Variants in BIVM observed in about 807,000 individuals in gnomAD.
BIVM encodes the protein basic, immunoglobulin-like variable motif containing.
Under a neutral mutation model 61.4 loss-of-function variants are expected in BIVM, and 31 were observed. That is an observed-to-expected ratio of 0.51 (90% CI 0.38 to 0.68). The LOEUF (loss-of-function observed/expected upper bound fraction) is 0.68. Ranked by LOEUF, BIVM falls within the 30% of genes least tolerant of loss-of-function variation. BIVM has a pLI of 0.00. For missense variants in BIVM, 526 were observed against 596.0 expected (o/e 0.88, Z 1.22); for synonymous variants, 189 against 210.7 (o/e 0.90, Z 0.89).
At position 102,839,784 on chromosome 13, in the gene BIVM, G is replaced by A. The variant is rs763941824; in HGVS notation, c.1431G>A (p.Ser477=). 21 of 1,614,142 alleles carry A rather than the reference G, an allele frequency of 1.3e-5. No homozygotes were observed. Among genetic ancestry groups the A allele is most frequent in the African/African-American group, 4.0e-5 (3 of 75,020 alleles). The stretch of plus-strand genomic sequence containing the variant: ...TCAGTGCTAGTTTCCATCAGGACTC[G>A]GCATGGAAAAAGATGTCTAGTATCC... ...RSFSASFHQD[S]AWKKMSSIHE... Residue 477 remains serine, a synonymous_variant, in exon 11 of 11, where the codon TCG becomes TCA. Transcript: ENST00000257336.
intron 1 of BIVM, among the ~76,000 whole-genome samples, 193 bp downstream of exon 1, chr13:102,799,714 C>G (rs1214313643): frequency 5.9e-5 from 9 of 152,246 alleles, no homozygotes; most frequent in Non-Finnish European, 8.8e-5. Flanking sequence ...CTCCGAGCCC[C>G]GTGGCGTCCA....
intron 8 of BIVM, among the ~76,000 whole-genome samples, chr13:102,832,141 C>T (rs1881137671): frequency 6.6e-6 from 1 of 152,092 alleles, no homozygotes; most frequent in Non-Finnish European, 1.5e-5. Context: ...TTGAAAATAT[C>T]CATTTAGATA....
rs1881331931 is a variant in BIVM, at chr13:102,834,496, A to G, written c.1065A>G (p.Glu355=). Residue 355 remains glutamate (E), a synonymous_variant, in exon 9 of 11, where the codon GAA becomes GAG. Transcript: ENST00000257336. The stretch of plus-strand genomic sequence containing the variant: ...GACCTCTCTCACCACAGGAAGTTGA[A>G]TATTGGATCTTAATTGGAGAATCAA... ...SRGPLSPQEV[E]YWILIGESSR... is the part of the protein sequence containing the mutation. 1.3e-6 allele frequency: 2 copies of G among 1,598,318 alleles called. No individual in the cohort carries two copies. Among genetic ancestry groups the G allele is most frequent in the Admixed American group, 3.6e-5 (2 of 55,302 alleles).
chr13:102,800,474 C>A (rs984406225), intron 1 of BIVM: 3 of 152,298 alleles, frequency 2.0e-5, no homozygotes, highest in Non-Finnish European at 4.4e-5. Flanking sequence ...GGGTTGGCCA[C>A]GGGCAGGGAG....
chr13:102,832,938 C>T (rs978719728), intron 8 of BIVM, among the ~76,000 whole-genome samples: 17 of 151,838 alleles, frequency 1.1e-4, no homozygotes, highest in African/African-American at 4.1e-4. Context: ...GAGATAATAC[C>T]AGGATGGTTG....
In BIVM at chr13:102,839,554, A is replaced by G. The variant is rs1186017139; in HGVS notation, c.1219-18A>G. On this transcript the variant is annotated intron_variant, in intron 10 of 10. Coordinates refer to ENST00000257336, the MANE Select transcript of BIVM (RefSeq NM_017693.4). ...AATTTCCCTTTATTTTCTTCAGCCA[A>G]CATTTTTTTCTTCTCAGGTTGGGGG... 9.3e-6 allele frequency: 15 copies of G among 1,609,772 alleles called. No homozygotes were observed. The highest frequency in any genetic ancestry group is 1.3e-5 in the Non-Finnish European group (15 of 1,177,848).
Position 102,818,813 on chromosome 13 carries a change from GA to G in BIVM, c.606-2219del, listed in dbSNP as rs1410216349. Reference sequence around the variant, plus strand: ...CAAGTTTAGATTGATGAAAAAGTATGAAAAATCTTAAGAGAAATTCCCCTTT... The same window carrying G: ...CAAGTTTAGATTGATGAAAAAGTATGAAAATCTTAAGAGAAATTCCCCTTT... On this transcript the variant is annotated intron_variant, in intron 4 of 10. Coordinates refer to ENST00000257336, the MANE Select transcript of BIVM (RefSeq NM_017693.4). 3.3e-5 allele frequency among the ~76,000 whole-genome samples: 5 copies of G among 152,142 alleles called. No homozygotes were observed. The East Asian group carries it at 9.6e-4, about 29-fold the overall frequency.
At chr13:102,825,874 A>G (rs978208468) in intron 7 of BIVM, among the ~76,000 whole-genome samples, 2 of 152,136 alleles carry the variant, frequency 1.3e-5, no homozygotes, top group Non-Finnish European at 2.9e-5. Context: ...TTGTCACAGC[A>G]CCATGTGTGC....
Position 102,816,467 on chromosome 13 carries a change from A to G in BIVM, c.518A>G (p.Asp173Gly). Reference sequence around the variant, plus strand: ...CAAGTTTCCAAGAGAAAAACTTCAGATAAAAAGGGAAGATATCAGAAGGAA... The same window carrying G: ...CAAGTTTCCAAGAGAAAAACTTCAGGTAAAAAGGGAAGATATCAGAAGGAA... ...KKQVSKRKTS[D>G]KKGRYQKECP... is the part of the protein sequence containing the mutation. The change falls in exon 4 of 11, where the codon GAT becomes GGT. Residue 173 changes from aspartate (D) to glycine (G), a missense_variant. Coordinates refer to ENST00000257336, the MANE Select transcript of BIVM (RefSeq NM_017693.4). 6.3e-7 allele frequency: 1 copy of G among 1,589,982 alleles called. No individual in the cohort carries two copies. The highest frequency in any genetic ancestry group is 8.5e-7 in the Non-Finnish European group (1 of 1,171,584).
chr13:102,831,386 AAC>A (rs1344461431), intron 7 of BIVM, among the ~76,000 whole-genome samples, 177 bp from the exon 8 acceptor site: 1 of 152,210 alleles, frequency 6.6e-6, no homozygotes, highest in Non-Finnish European at 1.5e-5. Flanking sequence ...TAAAGAGTAA[AAC>A]AGAATACATT....
Position 102,839,586 on chromosome 13 carries a change from G to C in BIVM, c.1233G>C (p.Leu411Phe). 6.2e-7 allele frequency: 1 copy of C among 1,613,736 alleles called. No individual in the cohort carries two copies. The highest frequency in any genetic ancestry group is 8.5e-7 in the Non-Finnish European group (1 of 1,179,822). The change falls in exon 11 of 11, where the codon TTG becomes TTC. Residue 411 changes from leucine (L) to phenylalanine (F), a missense_variant. Around this residue, in one of 3 missense-constraint regions of BIVM, gnomAD observed 210 missense variants for 233.1 expected, o/e 0.90. Transcript: ENST00000257336. ...YRKTKKVGGN[L>F]HCIIAFQRLN... ...TTTCTTCTCAGGTTGGGGGAAATTTGCATTGCATCATAGCATTCCAGAGAC... is the reference window on the plus strand; with the variant it reads ...TTTCTTCTCAGGTTGGGGGAAATTTCCATTGCATCATAGCATTCCAGAGAC...
intron 3 of BIVM, among the ~76,000 whole-genome samples, chr13:102,813,786 C>A (rs1216133412): frequency 3.3e-5 from 5 of 152,122 alleles, no homozygotes; most frequent in Non-Finnish European, 1.5e-5. Context: ...ACAGCTCCAA[C>A]CATCTCAGTT....
intron 3 of BIVM, among the ~76,000 whole-genome samples, chr13:102,810,410 G>A (rs1232602849): frequency 1.3e-5 from 2 of 152,092 alleles, no homozygotes; most frequent in Admixed American, 6.6e-5. Context: ...GTGAACCCAC[G>A]TATACAAAAA....
intron 1 of BIVM, among the ~76,000 whole-genome samples, chr13:102,803,727 C>T (rs1002155309): frequency 1.3e-5 from 2 of 151,954 alleles, no homozygotes; most frequent in Non-Finnish European, 1.5e-5. Context: ...TTCCTCACCT[C>T]GCACAGCCCA....
In BIVM at chr13:102,816,520, A is replaced by G; in HGVS notation, c.571A>G (p.Ile191Val). Reference protein sequence around the residue: ...ECPQHSPLEDIKQRKVLDLRR... With the variant: ...ECPQHSPLEDVKQRKVLDLRR... ...TCCTCAGCATTCTCCTCTTGAAGAT[A>G]TTAAACAGCGGAAAGTATTAGACCT... The change falls in exon 4 of 11, where the codon ATT becomes GTT. Residue 191 changes from isoleucine to valine, a missense_variant. Ile to Val is a conservative substitution (Grantham distance 29, BLOSUM62 3). Coordinates refer to ENST00000257336, the MANE Select transcript of BIVM (RefSeq NM_017693.4). 1.3e-6 allele frequency: 2 copies of G among 1,590,168 alleles called. No homozygotes were observed. The highest frequency in any genetic ancestry group is 1.7e-6 in the Non-Finnish European group (2 of 1,172,194).
At position 102,841,028 on chromosome 13, in the gene BIVM, T is replaced by A. The variant is rs572829766; in HGVS notation, c.*1163T>A. 1.3e-5 allele frequency: 2 copies of A among 152,728 alleles called. No homozygotes were observed. Among genetic ancestry groups the A allele is most frequent in the African/African-American group, 4.8e-5 (2 of 41,570 alleles). The allele number at this position is 152,728 out of a possible 1,614,324, so 9.5% of individuals were successfully genotyped here. ...GAGGACAACTACCCATATTCCAGAC[T>A]CTGAGCTGTTTCCTTTTTAAAAATC... On this transcript the variant is annotated 3_prime_UTR_variant, in exon 11 of 11. Transcript: ENST00000257336.
intron 1 of BIVM, among the ~76,000 whole-genome samples, chr13:102,802,407 G>A (rs1324059712): frequency 6.6e-6 from 1 of 152,212 alleles, no homozygotes; most frequent in East Asian, 1.9e-4. Context: ...AGTGTGGAAA[G>A]AAAGTAAACA....
At chr13:102,830,293 C>G (rs962152048) in intron 7 of BIVM, among the ~76,000 whole-genome samples, 1 of 152,180 alleles carries the variant, frequency 6.6e-6, no homozygotes, top group East Asian at 1.9e-4. Flanking sequence ...ACCTGCTGCT[C>G]TTAGTGGTCT....
At chr13:102,801,369 G>C (rs1015117049) in intron 1 of BIVM, 3 of 151,720 alleles carry the variant, frequency 2.0e-5, no homozygotes, top group Non-Finnish European at 4.4e-5. Context: ...CTGAGTAGCT[G>C]GGCCTACACG....
Sources: allele counts gnomAD v4.1 joint callset (sites outside exome capture counted in the v4.1 genomes callset), GRCh38; gene constraint gnomAD v4.1.1; regional missense constraint gnomAD v4.1.1; transcripts MANE v1.5; gene names NCBI Gene and HGNC (gene_info 2026-07-23, HGNC 2026-07-21).